Variants in GDAP1 observed in about 807,000 individuals in gnomAD.
GDAP1 encodes ganglioside-induced differentiation-associated protein 1.
GDAP1 carries 34 observed loss-of-function variants against 40.1 expected under a neutral mutation model. The ratio of observed to expected loss-of-function variants is 0.85; its 90% confidence interval spans 0.64 to 1.13. The LOEUF is 1.13. GDAP1 is among the 50% of genes most tolerant of loss of function. The pLI is 0.00. For missense variants in GDAP1, 374 were observed against 433.7 expected (o/e 0.86, Z 1.22); for synonymous variants, 170 against 157.4 (o/e 1.08, Z -0.60).
chr8:74,481,609 T>A (rs187496241), intron 2 of GDAP1, among the ~76,000 whole-genome samples: 1 of 152,328 alleles, frequency 6.6e-6, no homozygotes, highest in Non-Finnish European at 1.5e-5. Flanking sequence ...AACAACTCCC[T>A]TTCTAATAAG....
chr8:74,369,460 C>G (rs1052932413), downstream of GDAP1, among the ~76,000 whole-genome samples: 4 of 151,968 alleles, frequency 2.6e-5, no homozygotes, highest in Non-Finnish European at 5.9e-5. Flanking sequence ...TAGAAAATTA[C>G]ATAAGTGAAA....
chr8:74,361,954 C>T lies in GDAP1; in HGVS notation c.555C>T (p.Tyr185=). The change falls in exon 4 of 6, where the codon TAC becomes TAT. Residue 185 remains tyrosine (Y), a synonymous_variant. Transcript: ENST00000220822. Reference sequence around the variant, plus strand: ...AAAACCCAGATTTACAAGAAGCATACATTGCAAAACAGAAACGACTTAAAG... The same window carrying T: ...AAAACCCAGATTTACAAGAAGCATATATTGCAAAACAGAAACGACTTAAAG... ...AEENPDLQEA[Y]IAKQKRLKSK... is the part of the protein sequence containing the mutation. 1 of 1,597,014 alleles carries T rather than the reference C, an allele frequency of 6.3e-7. No individual in the cohort carries two copies. Among genetic ancestry groups the T allele is most frequent in the Non-Finnish European group, 8.6e-7 (1 of 1,165,268 alleles).
intron 2 of GDAP1, among the ~76,000 whole-genome samples, chr8:74,449,052 T>G (rs573362873): frequency 1.1e-4 from 16 of 152,076 alleles, no homozygotes; most frequent in Admixed American, 2.6e-4. Context: ...CTCCAAGGTT[T>G]AATTTTTTCT....
chr8:74,414,939 G>GA (rs1235598702), intron 2 of GDAP1, among the ~76,000 whole-genome samples: 3 of 149,978 alleles, frequency 2.0e-5, no homozygotes, highest in Non-Finnish European at 4.4e-5. Flanking sequence ...AGCAAACAGA[G>GA]AAAAAAAGGT....
chr8:74,442,222 A>T (rs1452478125), intron 2 of GDAP1, among the ~76,000 whole-genome samples: 1 of 152,242 alleles, frequency 6.6e-6, no homozygotes, highest in Non-Finnish European at 1.5e-5. Context: ...CAATACGGGG[A>T]AATACTTTGG....
chr8:74,362,698 C>T (rs931111605), intron 4 of GDAP1, among the ~76,000 whole-genome samples: 3 of 150,644 alleles, frequency 2.0e-5, no homozygotes, highest in Non-Finnish European at 3.0e-5. Context: ...CATCTGGCCT[C>T]ATAGGAGCTG....
At chr8:74,412,645 C>T (rs949813616) in intron 2 of GDAP1, among the ~76,000 whole-genome samples, 1 of 149,758 alleles carries the variant, frequency 6.7e-6, no homozygotes, top group Non-Finnish European at 1.5e-5. Flanking sequence ...AAAGGCAAAA[C>T]AAAATTTTAC....
intron 2 of GDAP1, among the ~76,000 whole-genome samples, chr8:74,469,824 A>AT (rs1806524208): frequency 6.6e-6 from 1 of 151,478 alleles, no homozygotes; most frequent in Admixed American, 6.6e-5. Context: ...AAAATACAAA[A>AT]TTAGCTGGGC....
intron 2 of GDAP1, among the ~76,000 whole-genome samples, chr8:74,425,548 G>C (rs1196496216): frequency 6.6e-6 from 1 of 152,200 alleles, no homozygotes; most frequent in Non-Finnish European, 1.5e-5. Flanking sequence ...CTGATGAAAA[G>C]ACTGGGAGGA....
At chr8:74,391,581 G>T (rs150310196) in intron 2 of GDAP1, among the ~76,000 whole-genome samples, 3,549 of 151,784 alleles carry the variant, frequency 0.023, 147 homozygotes, top group African/African-American at 0.081. Flanking sequence ...CCCACCTTCT[G>T]CGTTGATCTC....
At chr8:74,368,154 A>G (rs1809691893), downstream of GDAP1, among the ~76,000 whole-genome samples, 1 of 152,224 alleles carries the variant, frequency 6.6e-6, no homozygotes, top group Non-Finnish European at 1.5e-5. Context: ...AGCCAATAGT[A>G]TAGCTTAGTG....
intron 2 of GDAP1, among the ~76,000 whole-genome samples, chr8:74,478,565 C>T (rs1377755254): frequency 6.6e-6 from 1 of 152,108 alleles, no homozygotes; most frequent in African/African-American, 2.4e-5. Context: ...GAGGGGTGCT[C>T]AGGTCAGACT....
chr8:74,387,802 A>T (rs978410208), intron 2 of GDAP1, among the ~76,000 whole-genome samples: 2 of 152,136 alleles, frequency 1.3e-5, no homozygotes, highest in Non-Finnish European at 2.9e-5. Context: ...CTTTGAATCC[A>T]TCTGGTTCTG....
Position 74,486,236 on chromosome 8 carries a change from C to T in GDAP1, c.166-2442C>T, listed in dbSNP as rs771525064. ...AGAAACCTATAGAGTTACTATTATT[C>T]GTTTTTTATTTTTTATGGCAGGAAA... On this transcript the variant is annotated intron_variant, in intron 2 of 2. Coordinates refer to the GDAP1 transcript ENST00000523640. Among the ~76,000 whole-genome samples the T allele has an allele frequency of 5.3e-5, 8 of 152,090 alleles. No individual in the cohort carries two copies. In the South Asian group the frequency reaches 6.2e-4, roughly 12 times the overall value.
At chr8:74,373,618 A>G (rs1379184409) in intron 2 of GDAP1, among the ~76,000 whole-genome samples, 1 of 152,198 alleles carries the variant, frequency 6.6e-6, no homozygotes, top group Non-Finnish European at 1.5e-5. Flanking sequence ...ATATCCTCAG[A>G]CTTTACTGAA....
chr8:74,470,226 CCT>C (rs1363858568), intron 2 of GDAP1, among the ~76,000 whole-genome samples: 2 of 151,664 alleles, frequency 1.3e-5, no homozygotes, highest in African/African-American at 2.4e-5. Context: ...TTTAAAATTT[CCT>C]CTGTTTCCTC....
At chr8:74,378,266 T>A (rs1313636144) in intron 2 of GDAP1, among the ~76,000 whole-genome samples, 1 of 152,206 alleles carries the variant, frequency 6.6e-6, no homozygotes, top group Admixed American at 6.5e-5. Flanking sequence ...CACATTTTAG[T>A]GTTCCTCAGG....
intron 2 of GDAP1, among the ~76,000 whole-genome samples, chr8:74,420,810 AT>A (rs35436329): frequency 0.22 from 33,154 of 149,230 alleles, 4,363 homozygotes; most frequent in Middle Eastern, 0.39. Flanking sequence ...TGATTCCTGT[AT>A]TTTTTTTTTA....
chr8:74,430,306 C>T (rs1806009372), intron 2 of GDAP1, among the ~76,000 whole-genome samples: 1 of 152,198 alleles, frequency 6.6e-6, no homozygotes, highest in Non-Finnish European at 1.5e-5. Flanking sequence ...ATTTATTCCA[C>T]TGGCAAAATT....
Sources: gnomAD v4.1 joint callset for allele counts (sites outside exome capture counted in the v4.1 genomes callset) on GRCh38, gnomAD v4.1.1 for gene constraint, MANE v1.5 for transcripts, NCBI Gene and HGNC (gene_info 2026-07-23, HGNC 2026-07-21) for gene names.